MTCH1: variants seen among roughly 807,000 people sequenced by gnomAD.
MTCH1 encodes the protein mitochondrial carrier 1, also known as mitochondrial carrier homolog 1.
MTCH1 carries 23 observed loss-of-function variants against 49.3 expected under a neutral mutation model. That is an observed-to-expected ratio of 0.47 (90% confidence interval 0.34 to 0.66). The LOEUF is 0.66. Among genes scored for constraint, MTCH1 ranks in the 30% least tolerant of loss-of-function variants. The probability of loss-of-function intolerance (pLI) is 0.01; values close to 1 mark genes in which losing one functional copy is unlikely to be tolerated. For synonymous variants in MTCH1, 229 were observed against 215.2 expected, an observed-to-expected ratio of 1.06 and a Z score of -0.56; for missense variants, 397 against 532.1, an observed-to-expected ratio of 0.75 and a Z score of 2.50.
chr6:36,970,840 C>T, intron 8 of MTCH1, 146 bp from the exon 9 acceptor site: 4 of 907,766 alleles, frequency 4.4e-6, no homozygotes. Context: ...CAGTCACTGC[C>T]CAGAGAAGGC....
At chr6:36,970,537 C>T (rs960855395) in intron 9 of MTCH1, 64 bp from the exon 10 acceptor site, 9 of 1,607,178 alleles carry the variant, frequency 5.6e-6, no homozygotes, top group African/African-American at 2.7e-5. Context: ...GGACACACCA[C>T]GCCAACACCC....
chr6:36,977,700 G>A lies in MTCH1; in HGVS notation c.592-9C>T, dbSNP rs374062203. On this transcript the variant is annotated splice_polypyrimidine_tract_variant and intron_variant, in intron 4 of 11. Coordinates refer to ENST00000373627, the MANE Select transcript of MTCH1 (RefSeq NM_001271641.2). The surrounding 1 kb of genome is among the most constrained non-coding windows in gnomAD (Gnocchi z 5.4). Reference sequence around the variant, plus strand: ...ATCATCTCGTAGGAGGTCTGGAAGAGAGCATGGGGTGGGGACTCGCCACCC... The same window carrying A: ...ATCATCTCGTAGGAGGTCTGGAAGAAAGCATGGGGTGGGGACTCGCCACCC... 59 of 1,605,398 alleles carry A rather than the reference G, an allele frequency of 3.7e-5. No individual in the cohort carries two copies. The highest frequency in any genetic ancestry group is 1.5e-4 in the African/African-American group (11 of 74,672).
At chr6:36,970,880 G>A in intron 8 of MTCH1, 186 bp from the exon 9 acceptor site, 3 of 682,230 alleles carry the variant, frequency 4.4e-6, no homozygotes, top group Non-Finnish European at 7.6e-6. Context: ...TAAGTGGACT[G>A]AAGGGAGTCC....
At chr6:36,973,357 G>GT (rs1342752330) in intron 7 of MTCH1, among the ~76,000 whole-genome samples, 1 of 152,194 alleles carries the variant, frequency 6.6e-6, no homozygotes, top group Admixed American at 6.5e-5. Context: ...TTTGAGGTCA[G>GT]TGAGTCCCAT....
chr6:36,968,479 T>C lies in MTCH1; in HGVS notation c.*424A>G, dbSNP rs1318870077. On this transcript the variant is annotated 3_prime_UTR_variant, in exon 12 of 12. Transcript: ENST00000373627. ...ACGTGCCAGGGGACCACACCCTATG[T>C]ACAAAGCAGGAGAATGATGCTCCCA... The C allele has an allele frequency of 8.4e-6, 3 of 355,636 alleles. No homozygotes were observed. In the East Asian group the frequency reaches 2.2e-4, roughly 26 times the overall value. The allele number at this position is 355,636 out of a possible 1,614,324, so 22.0% of individuals were successfully genotyped here.
At chr6:36,978,647 C>T (rs1230978665) in intron 2 of MTCH1, 36 bp from the exon 3 acceptor site, 4 of 1,593,200 alleles carry the variant, frequency 2.5e-6, no homozygotes, top group Middle Eastern at 1.7e-4. Context: ...GAGTCACACC[C>T]AGTTCAGGGG....
In MTCH1 at chr6:36,981,502, A is replaced by G. The variant is rs79627560; in HGVS notation, c.406+86T>C. ...CGACTGCGTGCCATGCTGCGCAGTG[A>G]GTTCCCCGGGGCCAGCTGGTCCTGC... On this transcript the variant is annotated intron_variant, in intron 2 of 11. Coordinates refer to ENST00000373627, the MANE Select transcript of MTCH1 (RefSeq NM_001271641.2). 6,051 of 1,269,670 alleles carry G rather than the reference A, an allele frequency of 4.8e-3. 214 individuals are homozygous for G. The African/African-American group carries it at 0.075, about 16-fold the overall frequency. 78.7% of individuals were successfully genotyped at this position (1,269,670 alleles called of 1,614,324 possible).
At chr6:36,979,384 CAT>C (rs1764010265) in intron 2 of MTCH1, among the ~76,000 whole-genome samples, 1 of 152,184 alleles carries the variant, frequency 6.6e-6, no homozygotes, top group Non-Finnish European at 1.5e-5. Context: ...ACATTTTAAA[CAT>C]GTTTTAAATG....
chr6:36,969,195 T>C (rs1410942754), intron 11 of MTCH1: 4 of 985,256 alleles, frequency 4.1e-6, no homozygotes, highest in Non-Finnish European at 4.8e-6. Flanking sequence ...GGCTACTCTG[T>C]AGGAGAGCCC....
At position 36,975,693 on chromosome 6, in the gene MTCH1, C is replaced by T; in HGVS notation, c.726G>A (p.Lys242=). The T allele has an allele frequency of 6.2e-7, 1 of 1,614,116 alleles. No homozygotes were observed. The highest frequency in any genetic ancestry group is 8.5e-7 in the Non-Finnish European group (1 of 1,179,996). The change falls in exon 7 of 12, where the codon AAG becomes AAA. Residue 242 remains lysine (K), a synonymous_variant. Transcript: ENST00000373627. ...KYSGVLSSIG[K]IFKEEGLLGF... ...CCAGCAGCCCTTCCTCTTTGAAAAT[C>T]TTCCCAATGGAGCTCAGCACACCAC...
Position 36,981,681 on chromosome 6 carries a change from TTAA to T in MTCH1, c.322-12_322-10del. On this transcript the variant is annotated splice_polypyrimidine_tract_variant and intron_variant, in intron 1 of 11. Transcript: ENST00000373627. ...ATCGGCTCATGACCCACCTTCAGAATTAACAAAGACAAAGGGACGCTCAGAGTC... is the reference window on the plus strand; with the variant it reads ...ATCGGCTCATGACCCACCTTCAGAATCAAAGACAAAGGGACGCTCAGAGTC... The T allele has an allele frequency of 6.2e-7, 1 of 1,610,370 alleles. No homozygotes were observed. The highest frequency in any genetic ancestry group is 8.5e-7 in the Non-Finnish European group (1 of 1,178,280).
chr6:36,969,063 G>A (rs1763580011), intron 11 of MTCH1, 89 bp from the exon 12 acceptor site: 2 of 1,537,048 alleles, frequency 1.3e-6, no homozygotes, highest in Admixed American at 2.0e-5. Flanking sequence ...GCAAAGAAGG[G>A]TCCAGGAGCT....
upstream of MTCH1, chr6:36,986,343 A>G (rs959934481): frequency 9.1e-6 from 5 of 548,220 alleles, no homozygotes; most frequent in Non-Finnish European, 1.4e-5. Flanking sequence ...GAGGCCTAGC[A>G]GGACACTGGG....
chr6:36,978,829 G>A lies in MTCH1; in HGVS notation c.407-218C>T, dbSNP rs180960717. Among the ~76,000 whole-genome samples, 136 of 144,884 alleles carry A rather than the reference G, an allele frequency of 9.4e-4. No individual in the cohort carries two copies. The Middle Eastern group carries it at 0.015, about 16-fold the overall frequency. On this transcript the variant is annotated intron_variant, in intron 2 of 11. Coordinates refer to ENST00000373627, the MANE Select transcript of MTCH1 (RefSeq NM_001271641.2). ...AGTAAAAGCCTCAAAATGTATTTCT[G>A]ACAAACAAGTTCATATATTTTCTTC... is the stretch of plus-strand genomic sequence containing the variant.
chr6:36,972,787 G>A lies in MTCH1; in HGVS notation c.771C>T (p.Ile257=). 1 of 1,549,876 alleles carries A rather than the reference G, an allele frequency of 6.5e-7. No homozygotes were observed. Among genetic ancestry groups the A allele is most frequent in the South Asian group, 1.2e-5 (1 of 83,956 alleles). The part of the protein sequence containing the change: ...EGLLGFFVGL[I]PHLLGDVVFL... ...AAACCACATCGCCCAGGAGGTGAGG[G>A]ATTAATCCACTAAAAAACAAGGTAA... Residue 257 remains isoleucine, a synonymous_variant, in exon 8 of 12, where the codon ATC becomes ATT. Coordinates refer to ENST00000373627, the MANE Select transcript of MTCH1 (RefSeq NM_001271641.2). The surrounding 1 kb of genome is among the most constrained non-coding windows in gnomAD (Gnocchi z 4.1).
chr6:36,977,177 G>A lies in MTCH1; in HGVS notation c.701+22C>T, dbSNP rs762283828. The A allele has an allele frequency of 1.9e-6, 3 of 1,613,246 alleles. No homozygotes were observed. The highest frequency in any genetic ancestry group is 1.1e-5 in the South Asian group (1 of 91,072). ...TCTGAAAGGGTAACAGGGCCACTCTGCCAGTCCCAAGAGTTACCCACCTGT... is the reference window on the plus strand; with the variant it reads ...TCTGAAAGGGTAACAGGGCCACTCTACCAGTCCCAAGAGTTACCCACCTGT... On this transcript the variant is annotated intron_variant, in intron 6 of 11. Transcript: ENST00000373627. This position sits in a 1 kb window ranked among gnomAD's most constrained non-coding sequence, Gnocchi z 5.4.
At position 36,969,794 on chromosome 6, in the gene MTCH1, CAAA is replaced by C. The variant is rs574633085; in HGVS notation, c.1098+242_1098+244del. 1.0e-4 allele frequency: 147 copies of C among 1,432,332 alleles called. No individual in the cohort carries two copies. In the African/African-American group the frequency reaches 2.0e-3, roughly 20 times the overall value. The allele number at this position is 1,432,332 out of a possible 1,614,324, so 88.7% of individuals were successfully genotyped here. On this transcript the variant is annotated intron_variant, in intron 11 of 11. Transcript: ENST00000373627. ...CCTTATCCTAAGAGTCTTTAAGACT[CAAA>C]GAAGAAAAGGTCTTGTCTGATGTAT...
At position 36,970,054 on chromosome 6, in the gene MTCH1, C is replaced by A; in HGVS notation, c.1083G>T (p.Lys361Asn). 1.9e-6 allele frequency: 3 copies of A among 1,614,212 alleles called. No individual in the cohort carries two copies. Among genetic ancestry groups the A allele is most frequent in the Non-Finnish European group, 2.5e-6 (3 of 1,180,042 alleles). The change falls in exon 11 of 12, where the codon AAG becomes AAT. Residue 361 changes from lysine to asparagine, a missense_variant. By Grantham distance (94) the Lys-to-Asn change is moderately conservative. Coordinates refer to ENST00000373627, the MANE Select transcript of MTCH1 (RefSeq NM_001271641.2). ...PVFKSWIHCW[K>N]YLSVQGQLFR... Reference sequence around the variant, plus strand: ...GCTTGCTCACCTGCACACTCAGGTACTTCCAGCAGTGAATCCAGGATTTGA... The same window carrying A: ...GCTTGCTCACCTGCACACTCAGGTAATTCCAGCAGTGAATCCAGGATTTGA...
In MTCH1 at chr6:36,968,677, G is replaced by A. The variant is rs761994133; in HGVS notation, c.*226C>T. On this transcript the variant is annotated 3_prime_UTR_variant, in exon 12 of 12. Transcript: ENST00000373627. ...GGGGATTCTGCCAACTCCCCACCTCGCCTCACCTTCCCTAGGTCTGCCGGG... is the reference window on the plus strand; with the variant it reads ...GGGGATTCTGCCAACTCCCCACCTCACCTCACCTTCCCTAGGTCTGCCGGG... 57 of 672,176 alleles carry A rather than the reference G, an allele frequency of 8.5e-5. No homozygotes were observed. Among genetic ancestry groups the A allele is most frequent in the Non-Finnish European group, 1.2e-4 (46 of 368,734 alleles). 41.6% of individuals were successfully genotyped at this position (672,176 alleles called of 1,614,324 possible).
Sources: allele counts gnomAD v4.1 joint callset (sites outside exome capture counted in the v4.1 genomes callset), GRCh38; gene constraint gnomAD v4.1.1; non-coding constraint Gnocchi (gnomAD v3.1); transcripts MANE v1.5; gene names NCBI Gene and HGNC (gene_info 2026-07-23, HGNC 2026-07-21).